The following CDYL variants were observed in gnomAD, a reference collection of about 807,000 sequenced individuals.
CDYL encodes the protein chromodomain Y like.
CDYL carries 8 observed loss-of-function variants against 47.3 expected under a neutral mutation model. The ratio of observed to expected loss-of-function variants is 0.17; its 90% CI spans 0.10 to 0.31. CDYL has a LOEUF of 0.31. Among genes scored for constraint, CDYL ranks in the 10% least tolerant of loss-of-function variants. CDYL has a pLI of 1.00. For synonymous variants in CDYL, 266 were observed against 265.0 expected, an observed-to-expected ratio of 1.00 and a Z score of -0.04; for missense variants, 471 against 701.4, an observed-to-expected ratio of 0.67 and a Z score of 3.71.
At chr6:4,760,747 G>T (rs987315350) in intron 3 of CDYL, among the ~76,000 whole-genome samples, 2 of 152,108 alleles carry the variant, frequency 1.3e-5, no homozygotes, top group African/African-American at 2.4e-5. Flanking sequence ...AACAATTGCA[G>T]TAGAAAGGGA....
At chr6:4,747,165 A>G (rs1490891434) in intron 3 of CDYL, among the ~76,000 whole-genome samples, 2 of 151,952 alleles carry the variant, frequency 1.3e-5, no homozygotes, top group African/African-American at 4.8e-5. Flanking sequence ...AAATTAGCCA[A>G]GAGTGGTGGC....
intron 2 of CDYL, among the ~76,000 whole-genome samples, chr6:4,726,245 CA>C (rs1428587134): frequency 6.6e-6 from 1 of 151,938 alleles, no homozygotes; most frequent in Non-Finnish European, 1.5e-5. Flanking sequence ...ACAAGAAATA[CA>C]AAAAAATTAG....
At chr6:4,942,386 A>G (rs1370142491) in intron 4 of CDYL, among the ~76,000 whole-genome samples, 2 of 152,152 alleles carry the variant, frequency 1.3e-5, no homozygotes, top group Non-Finnish European at 2.9e-5. Context: ...GCTATCTCAG[A>G]TGCTGAGTCA....
intron 2 of CDYL, among the ~76,000 whole-genome samples, chr6:4,901,615 C>G (rs1757056485): frequency 6.6e-6 from 1 of 152,204 alleles, no homozygotes; most frequent in African/African-American, 2.4e-5. Context: ...GGAAACTAGA[C>G]TCTACGTTAG....
intron 1 of CDYL, among the ~76,000 whole-genome samples, chr6:4,709,538 C>T (rs1166406811): frequency 2.6e-5 from 4 of 152,168 alleles, no homozygotes; most frequent in Admixed American, 1.3e-4. Context: ...CTAGTGATGA[C>T]TGTCATGTGA....
At chr6:4,777,999 C>A (rs889082082) in intron 1 of CDYL, among the ~76,000 whole-genome samples, 1 of 152,112 alleles carries the variant, frequency 6.6e-6, no homozygotes, top group Non-Finnish European at 1.5e-5. Context: ...TCTTTTCAAC[C>A]ATTTTACACA....
intron 6 of CDYL, among the ~76,000 whole-genome samples, chr6:4,952,734 C>T (rs1320727970): frequency 6.6e-6 from 1 of 152,086 alleles, no homozygotes; most frequent in African/African-American, 2.4e-5. Flanking sequence ...ATTAGCTTCT[C>T]CCCTGTTTCC....
chr6:4,727,547 T>C (rs1419128257), intron 2 of CDYL, among the ~76,000 whole-genome samples: 1 of 152,068 alleles, frequency 6.6e-6, no homozygotes, highest in Admixed American at 6.6e-5. Context: ...AGCTTTCTTT[T>C]CTCCCTCCCT....
chr6:4,785,847 C>T (rs1033353755), intron 1 of CDYL, among the ~76,000 whole-genome samples: 3 of 152,142 alleles, frequency 2.0e-5, no homozygotes, highest in Non-Finnish European at 4.4e-5. Flanking sequence ...GGTGAATTGA[C>T]GTTAATAAGT....
At chr6:4,761,909 T>A (rs1758180809) in intron 3 of CDYL, among the ~76,000 whole-genome samples, 2 of 152,288 alleles carry the variant, frequency 1.3e-5, no homozygotes, top group South Asian at 4.1e-4. Flanking sequence ...GGGAAAAGCA[T>A]TTTAAGAATC....
intron 2 of CDYL, among the ~76,000 whole-genome samples, chr6:4,934,056 A>G (rs942724869): frequency 1.3e-5 from 2 of 152,204 alleles, no homozygotes; most frequent in African/African-American, 4.8e-5. Flanking sequence ...CAAGCAAGAC[A>G]ACAATGTATA....
intron 3 of CDYL, among the ~76,000 whole-genome samples, chr6:4,762,363 T>C (rs1380153659): frequency 1.9e-4 from 29 of 152,128 alleles, no homozygotes; most frequent in Admixed American, 1.9e-3. Context: ...ACCTCAAATA[T>C]ATTTCTACAT....
At chr6:4,821,009 C>G (rs1759819551) in intron 1 of CDYL, among the ~76,000 whole-genome samples, 1 of 152,124 alleles carries the variant, frequency 6.6e-6, no homozygotes, top group Admixed American at 6.5e-5. Context: ...CAGTGGGAGC[C>G]ATCTTTACAT....
chr6:4,747,794 C>A (rs1245436427), intron 3 of CDYL, among the ~76,000 whole-genome samples: 1 of 152,206 alleles, frequency 6.6e-6, no homozygotes. Flanking sequence ...AATGCCAATA[C>A]CCCAGGGAAG....
intron 1 of CDYL, among the ~76,000 whole-genome samples, chr6:4,856,587 G>A (rs929607219): frequency 1.3e-5 from 2 of 152,196 alleles, no homozygotes; most frequent in African/African-American, 4.8e-5. Context: ...GTCGGGGCCA[G>A]AACAATGGTG....
chr6:4,936,375 C>T (rs1024501035), intron 3 of CDYL, among the ~76,000 whole-genome samples: 1 of 152,116 alleles, frequency 6.6e-6, no homozygotes, highest in Non-Finnish European at 1.5e-5. Flanking sequence ...TTTCTAGAAT[C>T]GGGAGTATTT....
chr6:4,893,563 C>T (rs1425015911), intron 2 of CDYL, among the ~76,000 whole-genome samples: 3 of 152,088 alleles, frequency 2.0e-5, no homozygotes, highest in Non-Finnish European at 4.4e-5. Context: ...CGCGGTGGCG[C>T]GCACCTGTAA....
chr6:4,861,612 A>G (rs982318450), intron 1 of CDYL, among the ~76,000 whole-genome samples: 1 of 152,254 alleles, frequency 6.6e-6, no homozygotes, highest in Non-Finnish European at 1.5e-5. Flanking sequence ...CTATGTTTTC[A>G]TGAGTAAAGC....
chr6:4,792,139 G>A (rs1252112613), intron 1 of CDYL, among the ~76,000 whole-genome samples: 2 of 150,434 alleles, frequency 1.3e-5, no homozygotes, highest in Non-Finnish European at 3.0e-5. Context: ...TGATCCACCC[G>A]CCTCGGCCTC....
Sources: gnomAD v4.1 joint callset for allele counts (sites outside exome capture counted in the v4.1 genomes callset) on GRCh38, gnomAD v4.1.1 for gene constraint, MANE v1.5 for transcripts, NCBI Gene and HGNC (gene_info 2026-07-23, HGNC 2026-07-21) for gene names.